Variants in SPPL3 observed in about 807,000 individuals in gnomAD.
SPPL3 encodes signal peptide peptidase-like 3.
Under a neutral mutation model 42.4 loss-of-function variants are expected in SPPL3, and 5 were observed. That is an observed-to-expected ratio of 0.12 (90% CI 0.06 to 0.25). SPPL3 has a LOEUF of 0.25. Among genes scored for constraint, SPPL3 ranks in the 10% least tolerant of loss-of-function variants. The pLI is 1.00. For synonymous variants in SPPL3, 195 were observed against 181.8 expected (o/e 1.07, Z -0.58); for missense variants, 235 against 489.0 (o/e 0.48, Z 4.90).
chr12:120,791,583 GT>G, intron 2 of SPPL3, 26 bp from the exon 3 acceptor site: 1 of 1,521,236 alleles, frequency 6.6e-7, no homozygotes, highest in Non-Finnish European at 9.0e-7. Context: ...TTGTAGTTAA[GT>G]TGTAGTTTTG....
chr12:120,852,764 G>T (rs1308340130), intron 1 of SPPL3, among the ~76,000 whole-genome samples: 4 of 68,186 alleles, frequency 5.9e-5, no homozygotes, highest in Non-Finnish European at 5.5e-5. Context: ...TTATATCTAT[G>T]TATATTATAT....
rs115927194 is a variant in SPPL3, at chr12:120,842,184, T to G, written c.24-31298A>C. Among the ~76,000 whole-genome samples, 516 of 152,302 alleles carry G rather than the reference T, an allele frequency of 3.4e-3. 3 individuals are homozygous for G. Among genetic ancestry groups the G allele is most frequent in the African/African-American group, 0.012 (499 of 41,560 alleles). ...AATTTGAAATTGTGGCCCAGAATCA[T>G]GCATAGAAAGTTGGCATTTTTTAGG... On this transcript the variant is annotated intron_variant, in intron 1 of 10. Transcript: ENST00000353487.
At chr12:120,856,293 A>G (rs928304375) in intron 1 of SPPL3, among the ~76,000 whole-genome samples, 6 of 151,882 alleles carry the variant, frequency 4.0e-5, no homozygotes, top group African/African-American at 1.4e-4. Flanking sequence ...AGAAAAAAAA[A>G]AAAGAAACAC....
At chr12:120,843,966 T>TATAAC (rs372212365) in intron 1 of SPPL3, among the ~76,000 whole-genome samples, 25 of 152,126 alleles carry the variant, frequency 1.6e-4, no homozygotes, top group African/African-American at 3.4e-4. Flanking sequence ...CAAAAATAAA[T>TATAAC]ATAACATAAC....
intron 6 of SPPL3, among the ~76,000 whole-genome samples, chr12:120,776,464 A>G (rs1308064810): frequency 2.0e-5 from 3 of 152,152 alleles, no homozygotes; most frequent in East Asian, 3.9e-4. Flanking sequence ...TGAGTCTGAT[A>G]AACCCATTCC....
At chr12:120,876,634 A>AAAAAAAG (rs1483322103) in intron 1 of SPPL3, among the ~76,000 whole-genome samples, 9 of 148,612 alleles carry the variant, frequency 6.1e-5, no homozygotes, top group Non-Finnish European at 1.2e-4. Context: ...AAAAAAAAAA[A>AAAAAAAG]AAGAAGAAAG....
intron 1 of SPPL3, among the ~76,000 whole-genome samples, chr12:120,871,004 C>CCTATA: frequency 6.6e-6 from 1 of 151,482 alleles, no homozygotes; most frequent in East Asian, 1.9e-4. Context: ...GCGCCAGGCA[C>CCTATA]CTATAGTCCC....
chr12:120,856,615 T>C (rs930294085), intron 1 of SPPL3, among the ~76,000 whole-genome samples: 2 of 146,886 alleles, frequency 1.4e-5, no homozygotes, highest in Non-Finnish European at 3.0e-5. Context: ...ATTCAGGGCA[T>C]AGTTGGTTTG....
At chr12:120,802,436 T>A (rs1328323503) in intron 2 of SPPL3, among the ~76,000 whole-genome samples, 27 of 144,552 alleles carry the variant, frequency 1.9e-4, no homozygotes, top group African/African-American at 6.4e-4. Flanking sequence ...TATATATTTT[T>A]TTTTTTTTTC....
chr12:120,825,982 G>GAGACACAC (rs747169915), intron 1 of SPPL3, among the ~76,000 whole-genome samples: 36,897 of 151,796 alleles, frequency 0.24, 5,550 homozygotes, highest in Non-Finnish European at 0.35. Context: ...ACACTCACTG[G>GAGACACAC]TCAAGAGAAT....
chr12:120,856,487 G>A (rs1592998048), intron 1 of SPPL3, among the ~76,000 whole-genome samples: 4 of 138,748 alleles, frequency 2.9e-5, no homozygotes, highest in Admixed American at 2.1e-4. Flanking sequence ...CTGGTGTGGA[G>A]ATGAACAATT....
At chr12:120,883,727 A>T (rs2137059685) in intron 1 of SPPL3, among the ~76,000 whole-genome samples, 1 of 152,350 alleles carries the variant, frequency 6.6e-6, no homozygotes, top group East Asian at 1.9e-4. Flanking sequence ...GAAAAAAACA[A>T]ATTATAAAAG....
intron 6 of SPPL3, among the ~76,000 whole-genome samples, chr12:120,780,750 A>C (rs1208999864): frequency 3.4e-5 from 4 of 118,268 alleles, no homozygotes; most frequent in Admixed American, 1.0e-4. Context: ...TTAAAAAAAA[A>C]AACAAAACAA....
intron 2 of SPPL3, among the ~76,000 whole-genome samples, chr12:120,792,195 T>A (rs1245582983): frequency 6.6e-6 from 1 of 152,160 alleles, no homozygotes; most frequent in Non-Finnish European, 1.5e-5. Context: ...TTAGACAGGA[T>A]GAACAGGAAG....
Position 120,852,894 on chromosome 12 carries a change from T to TAATATATACATATCATATATATTTC in SPPL3, c.24-42009_24-42008insGAAATATATATGATATGTATATATT, listed in dbSNP as rs1229466284. 7.2e-4 allele frequency among the ~76,000 whole-genome samples: 105 copies of TAATATATACATATCATATATATTTC among 144,990 alleles called. 26 individuals are homozygous for TAATATATACATATCATATATATTTC. The highest frequency in any genetic ancestry group is 1.5e-3 in the South Asian group (7 of 4,596). On this transcript the variant is annotated intron_variant, in intron 1 of 10. Transcript: ENST00000353487. ...ATATACATATCATATATATTTCATA[T>TAATATATACATATCATATATATTTC]ATATATATATATTTTTTAAGATGGA...
At chr12:120,834,484 C>T (rs1421543060) in intron 1 of SPPL3, among the ~76,000 whole-genome samples, 1 of 152,106 alleles carries the variant, frequency 6.6e-6, no homozygotes, top group Non-Finnish European at 1.5e-5. Context: ...ACAGCTTCCC[C>T]GTAAACACCT....
intron 6 of SPPL3, among the ~76,000 whole-genome samples, chr12:120,780,742 A>T (rs1448781023): frequency 7.1e-5 from 7 of 98,504 alleles, no homozygotes; most frequent in East Asian, 2.6e-4. Context: ...TACAAAAATT[A>T]AAAAAAAAAA....
intron 1 of SPPL3, among the ~76,000 whole-genome samples, chr12:120,862,380 G>GGCTA: frequency 6.6e-6 from 1 of 152,152 alleles, no homozygotes; most frequent in African/African-American, 2.4e-5. Context: ...GCATGTTAAG[G>GGCTA]GCTAGGTCTC....
intron 2 of SPPL3, among the ~76,000 whole-genome samples, chr12:120,806,524 G>A (rs1419570069): frequency 2.0e-5 from 3 of 152,102 alleles, no homozygotes; most frequent in South Asian, 4.1e-4. Flanking sequence ...AATTTTAAAT[G>A]TAAGAAGCAA....
Sources: allele counts gnomAD v4.1 joint callset (sites outside exome capture counted in the v4.1 genomes callset), GRCh38; gene constraint gnomAD v4.1.1; transcripts MANE v1.5; gene names NCBI Gene and HGNC (gene_info 2026-07-23, HGNC 2026-07-21).